The following ATCAY variants were observed in gnomAD, a reference collection of about 807,000 sequenced individuals.
ATCAY encodes the protein ATCAY kinesin light chain interacting caytaxin.
In ATCAY, 22 loss-of-function variants were observed where a neutral mutation model predicts 47.7. The observed-to-expected ratio is 0.46, with a 90% CI of 0.33 to 0.66. The LOEUF (loss-of-function observed/expected upper bound fraction) is 0.66. Ranked by LOEUF, ATCAY falls within the 30% of genes least tolerant of loss-of-function variation. ATCAY has a pLI of 0.02. For missense variants in ATCAY, 452 were observed against 515.0 expected, an observed-to-expected ratio of 0.88 and a Z score of 1.18; for synonymous variants, 216 against 207.6, an observed-to-expected ratio of 1.04 and a Z score of -0.35.
rs2038707607 is a variant in ATCAY at position 3,890,482 on chromosome 19, C to T, written c.77+4638C>T. ...TTCACCATGTTGGCCAGGCTGGTCT[C>T]GAACTCCCAACCTCAAGTGATCCGC... On this transcript the variant is annotated intron_variant, in intron 2 of 12. Coordinates refer to ENST00000450849, the MANE Select transcript of ATCAY (RefSeq NM_033064.5). Among the ~76,000 whole-genome samples the T allele has an allele frequency of 4.6e-5, 7 of 151,984 alleles. No homozygotes were observed. The South Asian group carries it at 1.0e-3, about 23-fold the overall frequency.
chr19:3,881,813 A>G (rs2038602150), intron 1 of ATCAY, among the ~76,000 whole-genome samples: 1 of 149,686 alleles, frequency 6.7e-6, no homozygotes, highest in Non-Finnish European at 1.5e-5. Flanking sequence ...ATGCGTTTCT[A>G]CTGCCGAGGA....
chr19:3,908,275 C>T lies in ATCAY; in HGVS notation c.552C>T (p.Tyr184=), dbSNP rs929406456. 26 of 1,574,930 alleles carry T rather than the reference C, an allele frequency of 1.7e-5. No homozygotes were observed. The Admixed American group carries it at 1.7e-4, about 10-fold the overall frequency. ...TCGGCTGCCTCTCCTCAGGGTACTA[C>T]GGCGAAGGCCTCAACGCCATCATCG... is the stretch of plus-strand genomic sequence containing the variant. The part of the protein sequence containing the change: ...YMKVVTHGGY[Y]GEGLNAIIVF... Residue 184 remains tyrosine (Y), a synonymous_variant, in exon 6 of 13, where the codon TAC becomes TAT. Transcript: ENST00000450849.
chr19:3,909,712 G>T, intron 7 of ATCAY, 95 bp downstream of exon 7: 1 of 1,501,212 alleles, frequency 6.7e-7, no homozygotes, highest in Non-Finnish European at 8.9e-7. Context: ...CAGCACTTCG[G>T]GAGGCTGAGG....
chr19:3,901,138 G>A (rs2038813041), intron 2 of ATCAY, among the ~76,000 whole-genome samples: 4 of 151,714 alleles, frequency 2.6e-5, no homozygotes, highest in African/African-American at 7.3e-5. Context: ...TCCTGACCTC[G>A]TGATCCGCAC....
intron 9 of ATCAY, 135 bp from the exon 10 acceptor site, chr19:3,917,607 A>C: frequency 1.1e-6 from 1 of 886,172 alleles, no homozygotes; most frequent in East Asian, 2.8e-5. Flanking sequence ...AAAAAAAAAA[A>C]AAAGGAAGAA....
At chr19:3,908,063 T>C in intron 5 of ATCAY, 144 bp downstream of exon 5, 2 of 1,226,008 alleles carry the variant, frequency 1.6e-6, no homozygotes, top group Non-Finnish European at 1.2e-6. Context: ...AAGGCGTGCA[T>C]GGTCAGGGAG....
Position 3,918,848 on chromosome 19 carries a change from G to C in ATCAY, c.1044G>C (p.Glu348Asp). ...QPEFVLPRSE[E>D]KPEVAPVENR... is the part of the protein sequence containing the mutation. ...AGTTTGTGCTGCCCAGGTCTGAAGA[G>C]AAGCCAGAGGTGGCACCAGTGGAAA... The change falls in exon 11 of 13, where the codon GAG becomes GAC. Residue 348 changes from glutamate (E) to aspartate (D), a missense_variant. Physicochemically the swap from Glu to Asp is conservative, Grantham distance 45. Transcript: ENST00000450849. 1 of 1,614,026 alleles carries C rather than the reference G, an allele frequency of 6.2e-7. No individual in the cohort carries two copies. The highest frequency in any genetic ancestry group is 8.5e-7 in the Non-Finnish European group (1 of 1,179,884).
Position 3,910,857 on chromosome 19 carries a change from G to C in ATCAY, c.834G>C (p.Arg278=). 6.2e-7 allele frequency: 1 copy of C among 1,614,012 alleles called. No homozygotes were observed. Among genetic ancestry groups the C allele is most frequent in the African/African-American group, 1.3e-5 (1 of 75,052 alleles). The change falls in exon 8 of 13, where the codon CGG becomes CGC. Residue 278 remains arginine, a synonymous_variant. Coordinates refer to ENST00000450849, the MANE Select transcript of ATCAY (RefSeq NM_033064.5). ...TCGTCCACCCCTCGTGGTTCATTCG[G>C]ACTGTGCTGGCCATCTCTCGCCCTT... is the stretch of plus-strand genomic sequence containing the variant. ...LIIVHPSWFI[R]TVLAISRPFI...
chr19:3,883,861 G>A (rs1337615248), intron 1 of ATCAY, among the ~76,000 whole-genome samples: 2 of 152,152 alleles, frequency 1.3e-5, no homozygotes, highest in Non-Finnish European at 2.9e-5. Context: ...CAGAGAGGGA[G>A]ATGGTCTGAG....
intron 9 of ATCAY, among the ~76,000 whole-genome samples, chr19:3,915,717 ATTTT>A (rs58629412): frequency 2.8e-4 from 30 of 108,908 alleles, no homozygotes; most frequent in African/African-American, 9.9e-4. Context: ...TGCCCAGCTA[ATTTT>A]TTTTTTTTTT....
At chr19:3,903,863 T>A (rs1319096348) in intron 3 of ATCAY, among the ~76,000 whole-genome samples, 2 of 145,346 alleles carry the variant, frequency 1.4e-5, no homozygotes, top group African/African-American at 5.1e-5. Context: ...AAAAGGCAGG[T>A]CACCGTGGCT....
chr19:3,919,548 G>C (rs1486276615), intron 11 of ATCAY, among the ~76,000 whole-genome samples: 1 of 151,850 alleles, frequency 6.6e-6, no homozygotes, highest in Non-Finnish European at 1.5e-5. Context: ...GCCGAGATCA[G>C]ACCACTGCAC....
chr19:3,895,182 G>A (rs1167014568), intron 2 of ATCAY: 2 of 455,950 alleles, frequency 4.4e-6, no homozygotes, highest in Non-Finnish European at 8.8e-6. Context: ...CCACAGGGCA[G>A]GCTGGAAACT....
chr19:3,921,168 C>G (rs544269128), intron 12 of ATCAY, among the ~76,000 whole-genome samples: 2 of 152,290 alleles, frequency 1.3e-5, no homozygotes, highest in South Asian at 4.1e-4. Flanking sequence ...AAAGGGTAGA[C>G]TGTCCACGCT....
intron 3 of ATCAY, among the ~76,000 whole-genome samples, chr19:3,903,909 C>T (rs1437929272): frequency 6.8e-5 from 10 of 147,246 alleles, no homozygotes; most frequent in South Asian, 2.1e-4. Context: ...GAGGCCGAGG[C>T]GGGCAGATCA....
chr19:3,892,452 C>T (rs1353432441), intron 2 of ATCAY, among the ~76,000 whole-genome samples: 1 of 152,176 alleles, frequency 6.6e-6, no homozygotes, highest in Non-Finnish European at 1.5e-5. Flanking sequence ...CCTCCCACCT[C>T]AGCCTCCCAA....
chr19:3,904,861 T>TTTAC (rs2038846542), intron 3 of ATCAY, among the ~76,000 whole-genome samples: 1 of 151,722 alleles, frequency 6.6e-6, no homozygotes, highest in East Asian at 1.9e-4. Context: ...CCTTTATTTA[T>TTTAC]TTATTTATTT....
Position 3,913,855 on chromosome 19 carries a change from C to T in ATCAY, c.964C>T (p.Gln322Ter). 6.2e-7 allele frequency: 1 copy of T among 1,611,208 alleles called. No individual in the cohort carries two copies. Among genetic ancestry groups the T allele is most frequent in the Non-Finnish European group, 8.5e-7 (1 of 1,178,236 alleles). The change falls in exon 9 of 13, where the codon CAA (glutamine) becomes TAA (stop). Residue 322 changes from glutamine (Q) to a stop codon, truncating the protein, a stop_gained and splice_region_variant. Transcript: ENST00000450849. LOFTEE classifies it high-confidence loss of function. ...EHVQIPDCVL[Q>*]YEEERLKARR... is the part of the protein sequence containing the mutation. ...CGTCCAGATCCCAGACTGCGTCCTG[C>T]AGTGAGTGGCCCCACAGTCCACCCC...
chr19:3,896,267 C>CTT (rs71166934), intron 2 of ATCAY, among the ~76,000 whole-genome samples: 5 of 141,166 alleles, frequency 3.5e-5, no homozygotes, highest in Non-Finnish European at 4.6e-5. Flanking sequence ...AATCACATCC[C>CTT]TTTTTTTTTT....
Sources: allele counts gnomAD v4.1 joint callset (sites outside exome capture counted in the v4.1 genomes callset), GRCh38; gene constraint gnomAD v4.1.1; transcripts MANE v1.5; gene names NCBI Gene and HGNC (gene_info 2026-07-23, HGNC 2026-07-21).